Variants in ASXL3 observed in about 807,000 individuals in gnomAD.
ASXL3 encodes putative Polycomb group protein ASXL3.
ASXL3 carries 34 observed loss-of-function variants against 170.6 expected under a neutral mutation model. The observed-to-expected ratio is 0.20, with a 90% CI of 0.15 to 0.27. The LOEUF (loss-of-function observed/expected upper bound fraction) is 0.27, where lower values mean the gene tolerates loss of function less well. Ranked by LOEUF, ASXL3 falls within the 10% of genes least tolerant of loss-of-function variation. The pLI, the probability that ASXL3 is intolerant of heterozygous loss-of-function variation, is 1.00. For synonymous variants in ASXL3, 1,002 were observed against 989.1 expected (o/e 1.01, Z -0.24); for missense variants, 2,592 against 2,695.3 (o/e 0.96, Z 0.85).
chr18:33,639,170 G>A (rs751870303), intron 2 of ASXL3, among the ~76,000 whole-genome samples: 14 of 151,960 alleles, frequency 9.2e-5, no homozygotes, highest in South Asian at 2.1e-4. Flanking sequence ...CATTTACCAC[G>A]TACCAGACAC....
intron 1 of ASXL3, among the ~76,000 whole-genome samples, chr18:33,588,923 A>C (rs917771987): frequency 1.3e-5 from 2 of 152,050 alleles, no homozygotes; most frequent in African/African-American, 4.8e-5. Context: ...AGTGTTATAC[A>C]TTCTTATATT....
chr18:33,597,324 T>C (rs1158908164), intron 1 of ASXL3, among the ~76,000 whole-genome samples: 1 of 152,098 alleles, frequency 6.6e-6, no homozygotes, highest in Non-Finnish European at 1.5e-5. Context: ...CTATGTATTG[T>C]TCTTCAACAT....
intron 2 of ASXL3, among the ~76,000 whole-genome samples, chr18:33,613,851 T>C (rs2065376868): frequency 6.6e-6 from 1 of 152,090 alleles, no homozygotes; most frequent in Non-Finnish European, 1.5e-5. Flanking sequence ...CTTGAGCCGA[T>C]GTGGTCAAGG....
rs1394027916 is a variant in ASXL3 at position 33,739,772 on chromosome 18, G to A, written c.2368G>A (p.Ala790Thr). The A allele has an allele frequency of 1.2e-6, 2 of 1,613,618 alleles. No homozygotes were observed. The highest frequency in any genetic ancestry group is 2.2e-5 in the East Asian group (1 of 44,870). Residue 790 changes from alanine to threonine, a missense_variant, in exon 11 of 12, where the codon GCC becomes ACC. This residue lies in a region of ASXL3 where 2,246 missense variants were observed against 2,219.6 expected (regional missense o/e 1.01). Coordinates refer to ENST00000269197, the MANE Select transcript of ASXL3 (RefSeq NM_030632.3). ...GCAGAAAGATGAGTCTTCCGCCACT[G>A]CCAAACCTCTGGGAGAGAACCTTAC... ...SPQKDESSAT[A>T]KPLGENLTSQ...
intron 1 of ASXL3, among the ~76,000 whole-genome samples, chr18:33,587,991 G>C (rs1395757374): frequency 6.6e-6 from 1 of 151,846 alleles, no homozygotes; most frequent in Non-Finnish European, 1.5e-5. Flanking sequence ...CTTTATTTTT[G>C]AAGTTGTACA....
chr18:33,728,954 GT>G (rs1346562977), intron 8 of ASXL3, among the ~76,000 whole-genome samples: 1 of 152,104 alleles, frequency 6.6e-6, no homozygotes, highest in East Asian at 1.9e-4. Context: ...ATTGAAAAAG[GT>G]AATACATATG....
chr18:33,616,443 T>C lies in ASXL3; in HGVS notation c.137+8767T>C, dbSNP rs930349855. On this transcript the variant is annotated intron_variant, in intron 2 of 11. Transcript: ENST00000269197. Reference sequence around the variant, plus strand: ...GTGTGTGTGTGTACACGTGCATGCATAGGCACTCACATTTCTGGTAGTTAT... The same window carrying C: ...GTGTGTGTGTGTACACGTGCATGCACAGGCACTCACATTTCTGGTAGTTAT... Among the ~76,000 whole-genome samples the C allele has an allele frequency of 4.6e-5, 7 of 151,864 alleles. No homozygotes were observed. In the South Asian group the frequency reaches 1.5e-3, roughly 31 times the overall value.
Position 33,651,274 on chromosome 18 carries a change from T to A in ASXL3, c.355+4921T>A, listed in dbSNP as rs2065993702. ...AGGAAACTGAACTGCTTTAGGTGAT[T>A]TCCTTGCTTACTCTGTGTCTAATAT... On this transcript the variant is annotated intron_variant, in intron 4 of 11. Coordinates refer to ENST00000269197, the MANE Select transcript of ASXL3 (RefSeq NM_030632.3). Among the ~76,000 whole-genome samples, 4 of 152,272 alleles carry A rather than the reference T, an allele frequency of 2.6e-5. No homozygotes were observed. The South Asian group carries it at 8.3e-4, about 32-fold the overall frequency.
intron 2 of ASXL3, among the ~76,000 whole-genome samples, chr18:33,642,191 A>G (rs955379891): frequency 5.3e-5 from 8 of 151,994 alleles, no homozygotes; most frequent in African/African-American, 1.9e-4. Flanking sequence ...ATTTATTTCT[A>G]TTCAATAGCA....
At chr18:33,722,882 C>T (rs1042316553) in intron 8 of ASXL3, among the ~76,000 whole-genome samples, 1 of 152,100 alleles carries the variant, frequency 6.6e-6, no homozygotes, top group South Asian at 2.1e-4. Context: ...GAAACCAGTG[C>T]TCATTTGCCA....
intron 8 of ASXL3, among the ~76,000 whole-genome samples, chr18:33,700,112 C>T (rs146074221): frequency 1.3e-5 from 2 of 152,022 alleles, no homozygotes; most frequent in Non-Finnish European, 2.9e-5. Context: ...GTAACTGGAA[C>T]AGCATGTTAA....
chr18:33,590,111 G>GGTTTTTTTTTTTTTTTT (rs2065064495), intron 1 of ASXL3, among the ~76,000 whole-genome samples: 2 of 83,184 alleles, frequency 2.4e-5, no homozygotes, highest in African/African-American at 1.4e-4. Context: ...TGCTTTCTAT[G>GGTTTTTTTTTTTTTTTT]TTTTTTTTTT....
intron 8 of ASXL3, among the ~76,000 whole-genome samples, chr18:33,696,844 A>G (rs72947422): frequency 0.079 from 12,079 of 152,224 alleles, 483 homozygotes; most frequent in South Asian, 0.11. Flanking sequence ...AGCCTCAATG[A>G]TGTATCACCA....
chr18:33,625,557 C>G (rs550447117), intron 2 of ASXL3, among the ~76,000 whole-genome samples: 1 of 152,192 alleles, frequency 6.6e-6, no homozygotes, highest in Non-Finnish European at 1.5e-5. Flanking sequence ...ACATGTTATT[C>G]TTTATGAGAT....
At chr18:33,668,633 A>G (rs1360503351) in intron 5 of ASXL3, among the ~76,000 whole-genome samples, 1 of 152,060 alleles carries the variant, frequency 6.6e-6, no homozygotes. Flanking sequence ...TGCCTTGACT[A>G]TACCTTGTCT....
chr18:33,738,835 TGAG>T lies in ASXL3; in HGVS notation c.1436_1438del (p.Glu479del). Reference sequence around the variant, plus strand: ...ATCATAAGACAATACCTGAATTTTCTGAGGAGGCTGAAAGTCTAACCAATTCTC... The same window carrying T: ...ATCATAAGACAATACCTGAATTTTCTGAGGCTGAAAGTCTAACCAATTCTC... On this transcript the variant is annotated inframe_deletion, in exon 11 of 12. Transcript: ENST00000269197. 4 of 1,613,656 alleles carry T rather than the reference TGAG, an allele frequency of 2.5e-6. No individual in the cohort carries two copies. The highest frequency in any genetic ancestry group is 3.4e-6 in the Non-Finnish European group (4 of 1,179,848).
Position 33,749,662 on chromosome 18 carries a change from G to A in ASXL3, c.*3067G>A, listed in dbSNP as rs2067853615. On this transcript the variant is annotated 3_prime_UTR_variant, in exon 12 of 12. Transcript: ENST00000269197. ...TTTTTTCTTCCCCAAAATGAGAATAGTAGAAATTTTGGTGAACTGAGCACC... is the reference window on the plus strand; with the variant it reads ...TTTTTTCTTCCCCAAAATGAGAATAATAGAAATTTTGGTGAACTGAGCACC... 1 of 151,986 alleles carries A rather than the reference G, an allele frequency of 6.6e-6. No homozygotes were observed. Among genetic ancestry groups the A allele is most frequent in the Admixed American group, 6.6e-5 (1 of 15,260 alleles). The allele number at this position is 151,986 out of a possible 1,614,324, so 9.4% of individuals were successfully genotyped here.
At chr18:33,650,416 A>G (rs959732715) in intron 4 of ASXL3, among the ~76,000 whole-genome samples, 3 of 152,058 alleles carry the variant, frequency 2.0e-5, no homozygotes, top group African/African-American at 7.2e-5. Context: ...GAAAAAGGCT[A>G]CCACCTGAGA....
At chr18:33,710,322 C>G (rs2067035474) in intron 8 of ASXL3, among the ~76,000 whole-genome samples, 8 of 152,146 alleles carry the variant, frequency 5.3e-5, no homozygotes, top group Non-Finnish European at 1.5e-5. Flanking sequence ...ATTTTTCCCC[C>G]ACTTGTACCT....
Sources: gnomAD v4.1 joint callset for allele counts (sites outside exome capture counted in the v4.1 genomes callset) on GRCh38, gnomAD v4.1.1 for gene constraint, gnomAD v4.1.1 regional missense constraint, MANE v1.5 for transcripts, NCBI Gene and HGNC (gene_info 2026-07-23, HGNC 2026-07-21) for gene names.